The following PDE3A variants were observed in gnomAD, a reference collection of about 807,000 sequenced individuals.
PDE3A encodes phosphodiesterase 3A.
In PDE3A, 43 loss-of-function variants were observed where a neutral mutation model predicts 98.3. That is an observed-to-expected ratio of 0.44 (90% CI 0.34 to 0.56). The LOEUF (loss-of-function observed/expected upper bound fraction) is 0.56, where lower values mean the gene tolerates loss of function less well. Ranked by LOEUF, PDE3A falls within the 20% of genes least tolerant of loss-of-function variation. The pLI is 0.01. For synonymous variants in PDE3A, 663 were observed against 567.9 expected (o/e 1.17, Z -2.38); for missense variants, 1,427 against 1,440.7 (o/e 0.99, Z 0.15).
chr12:20,379,956 C>A (rs1019213266), intron 1 of PDE3A, among the ~76,000 whole-genome samples: 1 of 151,678 alleles, frequency 6.6e-6, no homozygotes, highest in African/African-American at 2.4e-5. Context: ...TAGTGTAAAC[C>A]TTTGAAAAAT....
Position 20,481,088 on chromosome 12 carries a change from A to C in PDE3A, c.961-75572A>C, listed in dbSNP as rs181483336. On this transcript the variant is annotated intron_variant, in intron 1 of 15. Transcript: ENST00000359062. ...TAAACCACTGAAATATAAGCCAAAA[A>C]TAATGTTGTTGTTTCTATGAAAACT... 1.8e-4 allele frequency among the ~76,000 whole-genome samples: 28 copies of C among 152,296 alleles called. No homozygotes were observed. The East Asian group carries it at 4.4e-3, about 24-fold the overall frequency.
chr12:20,493,893 G>A (rs560052086), intron 1 of PDE3A, among the ~76,000 whole-genome samples: 1 of 152,334 alleles, frequency 6.6e-6, no homozygotes, highest in African/African-American at 2.4e-5. Flanking sequence ...ACCTCCCAAA[G>A]TGTTGGGATT....
At chr12:20,456,615 G>A (rs1945156178) in intron 1 of PDE3A, among the ~76,000 whole-genome samples, 1 of 152,072 alleles carries the variant, frequency 6.6e-6, no homozygotes. Context: ...CTATATTAAT[G>A]TGGTAATAAA....
At chr12:20,436,345 C>CA (rs922611500) in intron 1 of PDE3A, among the ~76,000 whole-genome samples, 1 of 151,692 alleles carries the variant, frequency 6.6e-6, no homozygotes, top group Admixed American at 6.6e-5. Context: ...CAAAACAAAA[C>CA]AAAAAAAACT....
intron 1 of PDE3A, among the ~76,000 whole-genome samples, chr12:20,386,911 G>A (rs903024305): frequency 2.0e-5 from 3 of 151,896 alleles, no homozygotes; most frequent in African/African-American, 7.3e-5. Context: ...TTTTGGCTTT[G>A]CATTTAAGTC....
At chr12:20,589,262 C>G (rs1007162911) in intron 2 of PDE3A, among the ~76,000 whole-genome samples, 3 of 151,456 alleles carry the variant, frequency 2.0e-5, no homozygotes, top group Admixed American at 1.3e-4. Context: ...ATTTCTGGGA[C>G]AGTTAATTGA....
At chr12:20,585,755 T>TTTA (rs1323427587) in intron 2 of PDE3A, among the ~76,000 whole-genome samples, 2 of 152,228 alleles carry the variant, frequency 1.3e-5, no homozygotes, top group Non-Finnish European at 2.9e-5. Context: ...TGCTTTATTT[T>TTTA]TTATTTTTCA....
In PDE3A at chr12:20,369,202, T is replaced by A. The variant is rs745444350; in HGVS notation, c.-83T>A. On this transcript the variant is annotated 5_prime_UTR_variant, in exon 1 of 16. Transcript: ENST00000359062. ...AAGAGCGTGCGTGCGTGTGTGTGTG[T>A]GTGTGTGTGCGCGCGCGCGCGTGGG... 3.5e-6 allele frequency: 3 copies of A among 852,684 alleles called. No homozygotes were observed. Among genetic ancestry groups the A allele is most frequent in the Non-Finnish European group, 5.3e-6 (3 of 561,108 alleles). The allele number at this position is 852,684 out of a possible 1,614,324, so 52.8% of individuals were successfully genotyped here.
intron 1 of PDE3A, among the ~76,000 whole-genome samples, chr12:20,458,388 A>C (rs527721890): frequency 1.3e-5 from 2 of 152,104 alleles, no homozygotes. Flanking sequence ...TTTCCAAAAA[A>C]AAAAAACCAA....
rs1308750238 is a variant in PDE3A, at chr12:20,654,004, C to T, written c.2983C>T (p.Pro995Ser). 3 of 1,614,098 alleles carry T rather than the reference C, an allele frequency of 1.9e-6. No homozygotes were observed. The highest frequency in any genetic ancestry group is 2.5e-6 in the Non-Finnish European group (3 of 1,179,994). ...PISPFMDRSA[P>S]QLANLQESFI... is the part of the protein sequence containing the mutation. Reference sequence around the variant, plus strand: ...AAGCCCCTTCATGGATCGTTCTGCTCCTCAGCTGGCCAACCTTCAGGAATC... The same window carrying T: ...AAGCCCCTTCATGGATCGTTCTGCTTCTCAGCTGGCCAACCTTCAGGAATC... Residue 995 changes from proline (P) to serine (S), a missense_variant, in exon 15 of 16, where the codon CCT becomes TCT. Coordinates refer to ENST00000359062, the MANE Select transcript of PDE3A (RefSeq NM_000921.5).
rs762983966 is a variant in PDE3A at position 20,680,135 on chromosome 12, C to T, written c.3290C>T (p.Ala1097Val). Residue 1097 changes from alanine (A) to valine (V), a missense_variant, in exon 16 of 16, where the codon GCA (alanine) becomes GTA (valine). By Grantham distance (64) the Ala-to-Val change is moderately conservative. This residue lies in a region of PDE3A where 142 missense variants were observed against 133.9 expected (regional missense o/e 1.06). Coordinates refer to ENST00000359062, the MANE Select transcript of PDE3A (RefSeq NM_000921.5). ...KKVIEEEQRLAGIENQSLDQT... is the reference protein window; with the variant it reads ...KKVIEEEQRLVGIENQSLDQT... Reference sequence around the variant, plus strand: ...GTCATTGAAGAGGAGCAACGGTTGGCAGGCATAGAAAATCAATCCCTGGAC... The same window carrying T: ...GTCATTGAAGAGGAGCAACGGTTGGTAGGCATAGAAAATCAATCCCTGGAC... 4.3e-6 allele frequency: 7 copies of T among 1,613,702 alleles called. No individual in the cohort carries two copies. Among genetic ancestry groups the T allele is most frequent in the Non-Finnish European group, 5.1e-6 (6 of 1,179,742 alleles).
chr12:20,501,403 A>G (rs1946023066), intron 1 of PDE3A, among the ~76,000 whole-genome samples: 1 of 152,196 alleles, frequency 6.6e-6, no homozygotes, highest in Non-Finnish European at 1.5e-5. Flanking sequence ...AACACATTAT[A>G]TGTAAAATTA....
chr12:20,430,164 T>C (rs1944671658), intron 1 of PDE3A, among the ~76,000 whole-genome samples: 2 of 152,176 alleles, frequency 1.3e-5, no homozygotes, highest in Non-Finnish European at 2.9e-5. Context: ...AGAACCTCCT[T>C]CAAGGTGACT....
chr12:20,682,047 T>C lies in PDE3A; in HGVS notation c.*1776T>C, dbSNP rs1945801405. 1.3e-5 allele frequency: 2 copies of C among 152,252 alleles called. No homozygotes were observed. The highest frequency in any genetic ancestry group is 1.5e-5 in the Non-Finnish European group (1 of 68,044). 9.4% of individuals were successfully genotyped at this position (152,252 alleles called of 1,614,324 possible). ...GATGGACAACCAATCATCTACCTTT[T>C]CTAATTTAAATGATAATCTGATATA... On this transcript the variant is annotated 3_prime_UTR_variant, in exon 16 of 16. Coordinates refer to ENST00000359062, the MANE Select transcript of PDE3A (RefSeq NM_000921.5).
chr12:20,403,304 T>C (rs1377931742), intron 1 of PDE3A, among the ~76,000 whole-genome samples: 4 of 152,244 alleles, frequency 2.6e-5, no homozygotes, highest in East Asian at 3.8e-4. Flanking sequence ...TAAATGTTAA[T>C]TCTCTCCCTT....
intron 1 of PDE3A, among the ~76,000 whole-genome samples, chr12:20,536,389 C>T (rs748067781): frequency 1.3e-5 from 2 of 151,882 alleles, no homozygotes; most frequent in East Asian, 1.9e-4. Flanking sequence ...ATATGATTCA[C>T]ATACCATGTG....
At chr12:20,676,949 G>A (rs1054582538) in intron 15 of PDE3A, among the ~76,000 whole-genome samples, 3 of 152,028 alleles carry the variant, frequency 2.0e-5, no homozygotes, top group South Asian at 2.1e-4. Context: ...TGTTAAACAG[G>A]TTTTCTGTCC....
chr12:20,385,957 T>A (rs1398688405), intron 1 of PDE3A, among the ~76,000 whole-genome samples: 3 of 120,840 alleles, frequency 2.5e-5, no homozygotes, highest in East Asian at 2.2e-4. Flanking sequence ...TTATATTAAT[T>A]ATTAATTATA....
At chr12:20,626,357 C>G (rs1592125756) in intron 5 of PDE3A, among the ~76,000 whole-genome samples, 1 of 137,362 alleles carries the variant, frequency 7.3e-6, no homozygotes, top group East Asian at 2.2e-4. Context: ...ATAATGCACA[C>G]TAGGAAAAAT....
Sources: allele counts gnomAD v4.1 joint callset (sites outside exome capture counted in the v4.1 genomes callset), GRCh38; gene constraint gnomAD v4.1.1; regional missense constraint gnomAD v4.1.1; transcripts MANE v1.5; gene names NCBI Gene and HGNC (gene_info 2026-07-23, HGNC 2026-07-21).